IL18RAP: variants seen among roughly 807,000 people sequenced by gnomAD.
IL18RAP encodes interleukin-18 receptor accessory protein.
Under a neutral mutation model 58.1 loss-of-function variants are expected in IL18RAP, and 37 were observed. The ratio of observed to expected loss-of-function variants is 0.64; its 90% CI spans 0.49 to 0.84. The LOEUF is 0.84. IL18RAP is among the 40% of genes least tolerant of loss of function. IL18RAP has a pLI of 0.00. For synonymous variants in IL18RAP, 268 were observed against 257.5 expected, an observed-to-expected ratio of 1.04 and a Z score of -0.39; for missense variants, 667 against 704.8, an observed-to-expected ratio of 0.95 and a Z score of 0.61.
At chr2:102,439,732 G>A (rs1375061223) in intron 4 of IL18RAP, 1 of 152,220 alleles carries the variant, frequency 6.6e-6, no homozygotes, top group African/African-American at 2.4e-5. Context: ...GACTGAAAAA[G>A]CTGAAGGGAA....
At chr2:102,423,387 T>C in intron 1 of IL18RAP, 40 bp downstream of exon 1, 1 of 1,527,322 alleles carries the variant, frequency 6.5e-7, no homozygotes, top group Non-Finnish European at 9.1e-7. Flanking sequence ...TGTGAGTCTG[T>C]GGTCAAGTGT....
At chr2:102,443,964 GA>G in intron 6 of IL18RAP, among the ~76,000 whole-genome samples, 1 of 152,208 alleles carries the variant, frequency 6.6e-6, no homozygotes, top group South Asian at 2.1e-4. Context: ...TAGATATTTG[GA>G]GCTATCCAAT....
upstream of IL18RAP, chr2:102,418,752 T>G (rs1681394644): frequency 6.6e-6 from 1 of 152,340 alleles, no homozygotes; most frequent in Non-Finnish European, 1.5e-5. Flanking sequence ...ATCCTTTATT[T>G]TTGAGCTGGT....
At chr2:102,421,269 G>A (rs2104280962), upstream of IL18RAP, among the ~76,000 whole-genome samples, 2 of 68,376 alleles carry the variant, frequency 2.9e-5, no homozygotes, top group Non-Finnish European at 6.0e-5. Flanking sequence ...GATGGTTGAT[G>A]GCAAGAAGGG....
chr2:102,424,006 C>G lies in IL18RAP; in HGVS notation c.266C>G (p.Ser89Trp). 4 of 1,613,990 alleles carry G rather than the reference C, an allele frequency of 2.5e-6. No homozygotes were observed. Among genetic ancestry groups the G allele is most frequent in the Non-Finnish European group, 3.4e-6 (4 of 1,179,962 alleles). ...GATGTCCAATGGTACCAACAACCTTCGAATGGAGATCCATTAGAGGACATT... is the reference window on the plus strand; with the variant it reads ...GATGTCCAATGGTACCAACAACCTTGGAATGGAGATCCATTAGAGGACATT... ...LSDVQWYQQP[S>W]NGDPLEDIRK... Residue 89 changes from serine to tryptophan, a missense_variant, in exon 2 of 10, where the codon TCG becomes TGG. Transcript: ENST00000687160.
At chr2:102,421,972 G>T (rs547539467), upstream of IL18RAP, among the ~76,000 whole-genome samples, 4 of 151,828 alleles carry the variant, frequency 2.6e-5, no homozygotes, top group African/African-American at 4.9e-5. Context: ...ACCTGCTGAC[G>T]CATTCCCCTC....
At chr2:102,428,379 G>T (rs1573268371) in intron 3 of IL18RAP, among the ~76,000 whole-genome samples, 3 of 145,882 alleles carry the variant, frequency 2.1e-5, no homozygotes, top group South Asian at 2.2e-4. Context: ...CCTTTTGTTA[G>T]TTTTTTTTTT....
intron 3 of IL18RAP, among the ~76,000 whole-genome samples, chr2:102,424,657 A>G (rs1681818943): frequency 5.3e-5 from 8 of 152,198 alleles, no homozygotes; most frequent in Admixed American, 5.2e-4. Flanking sequence ...TCTAAAATTC[A>G]AGTATATTAC....
At position 102,451,952 on chromosome 2, in the gene IL18RAP, C is replaced by T. The variant is rs1380696954; in HGVS notation, c.1571C>T (p.Pro524Leu). The T allele has an allele frequency of 1.1e-5, 18 of 1,614,034 alleles. No individual in the cohort carries two copies. The highest frequency in any genetic ancestry group is 1.5e-5 in the Non-Finnish European group (18 of 1,180,032). ...FCYFQEPESL[P>L]HLVKKALRVL... ...TACTTCCAAGAGCCAGAGTCTCTAC[C>T]TCATCTCGTGAAAAAAGCTCTCAGG... The change falls in exon 10 of 10, where the codon CCT (proline) becomes CTT (leucine). Residue 524 changes from proline to leucine, a missense_variant. Transcript: ENST00000687160.
In IL18RAP at chr2:102,423,846, A is replaced by G. The variant is rs1313614308; in HGVS notation, c.106A>G (p.Thr36Ala). The G allele has an allele frequency of 6.2e-7, 1 of 1,613,766 alleles. No homozygotes were observed. The highest frequency in any genetic ancestry group is 8.5e-7 in the Non-Finnish European group (1 of 1,179,880). The change falls in exon 2 of 10, where the codon ACA becomes GCA. Residue 36 changes from threonine to alanine, a missense_variant. Transcript: ENST00000687160. ...STKKLLWTYSTRSEEEFVLFC... is the reference protein window; with the variant it reads ...STKKLLWTYSARSEEEFVLFC... ...AAAAAAACTCCTTTGGACATATTCT[A>G]CAAGGAGTGAAGAGGAATTTGTCTT...
At chr2:102,441,289 T>A in intron 4 of IL18RAP, 23 bp from the exon 5 acceptor site, 1 of 1,600,882 alleles carries the variant, frequency 6.2e-7, no homozygotes, top group Non-Finnish European at 8.6e-7. Flanking sequence ...ATGCAAATAG[T>A]AATCTTTGTT....
chr2:102,447,226 G>T lies in IL18RAP; in HGVS notation c.1210+19G>T. ...CTTGGGGGTAAGTTTACCTCCACAT[G>T]CAGCCCTCTGACTTTTCCTCTGGGA... On this transcript the variant is annotated intron_variant, in intron 8 of 9. Coordinates refer to ENST00000687160, the MANE Select transcript of IL18RAP (RefSeq NM_001393487.1). 6.2e-7 allele frequency: 1 copy of T among 1,610,058 alleles called. No homozygotes were observed. Among genetic ancestry groups the T allele is most frequent in the Non-Finnish European group, 8.5e-7 (1 of 1,177,816 alleles).
intron 8 of IL18RAP, among the ~76,000 whole-genome samples, chr2:102,448,887 G>A (rs895797394): frequency 8.0e-5 from 12 of 150,520 alleles, no homozygotes; most frequent in African/African-American, 2.9e-4. Context: ...CCTGAGCCCC[G>A]GAGGTCAAGG....
intron 6 of IL18RAP, among the ~76,000 whole-genome samples, chr2:102,444,314 G>GGGTA (rs1239468549): frequency 2.6e-5 from 4 of 152,298 alleles, no homozygotes; most frequent in African/African-American, 9.6e-5. Context: ...GTAGTCAAGA[G>GGGTA]GGTATGTTTT....
intron 3 of IL18RAP, among the ~76,000 whole-genome samples, chr2:102,435,581 T>C (rs1438381465): frequency 1.3e-5 from 2 of 151,036 alleles, no homozygotes; most frequent in South Asian, 2.1e-4. Flanking sequence ...GGGAGGAGAG[T>C]GAAAGAAATG....
At position 102,443,474 on chromosome 2, in the gene IL18RAP, G is replaced by A. The variant is rs150740383; in HGVS notation, c.920+151G>A. ...ACAAAAATGCAAAGTGCAAACGGCC[G>A]TTGAATGAAATATTTAAGTTGTTTT... On this transcript the variant is annotated intron_variant, in intron 6 of 9. Coordinates refer to ENST00000687160, the MANE Select transcript of IL18RAP (RefSeq NM_001393487.1). 117 of 800,104 alleles carry A rather than the reference G, an allele frequency of 1.5e-4. 1 individual carries two copies. The East Asian group carries it at 2.7e-3, about 18-fold the overall frequency. The allele number at this position is 800,104 out of a possible 1,614,324, so 49.6% of individuals were successfully genotyped here.
At chr2:102,432,978 C>T (rs1682485133) in intron 3 of IL18RAP, among the ~76,000 whole-genome samples, 1 of 152,008 alleles carries the variant, frequency 6.6e-6, no homozygotes, top group Non-Finnish European at 1.5e-5. Context: ...TGATCTTCAG[C>T]TAAGCAAATC....
At chr2:102,443,761 A>G (rs1179196805) in intron 6 of IL18RAP, among the ~76,000 whole-genome samples, 2 of 152,158 alleles carry the variant, frequency 1.3e-5, no homozygotes, top group Non-Finnish European at 2.9e-5. Context: ...CTGACAAAAA[A>G]TATGTGAAGT....
rs542614185 is a variant in IL18RAP at position 102,436,239 on chromosome 2, A to C, written c.580-973A>C. Among the ~76,000 whole-genome samples, 6 of 152,042 alleles carry C rather than the reference A, an allele frequency of 3.9e-5. No individual in the cohort carries two copies. In the South Asian group the frequency reaches 1.2e-3, roughly 32 times the overall value. On this transcript the variant is annotated intron_variant, in intron 3 of 9. Coordinates refer to ENST00000687160, the MANE Select transcript of IL18RAP (RefSeq NM_001393487.1). ...CTTAGTTACGGCTCTGTGTCCTCCC[A>C]CCATTACGTTCTCATGCGATTTATG...
Sources: gnomAD v4.1 joint callset for allele counts (sites outside exome capture counted in the v4.1 genomes callset) on GRCh38, gnomAD v4.1.1 for gene constraint, MANE v1.5 for transcripts, NCBI Gene and HGNC (gene_info 2026-07-23, HGNC 2026-07-21) for gene names.